The following MYT1L variants were observed in gnomAD, a reference collection of about 807,000 sequenced individuals.
The protein encoded by MYT1L is myelin transcription factor 1-like protein.
MYT1L carries 12 observed loss-of-function variants against 126.7 expected under a neutral mutation model. That is an observed-to-expected ratio of 0.09 (90% confidence interval 0.06 to 0.15). The LOEUF (loss-of-function observed/expected upper bound fraction) is 0.15. Ranked by LOEUF, MYT1L falls within the 10% of genes least tolerant of loss-of-function variation. The pLI is 1.00. For missense variants in MYT1L, 979 were observed against 1,585.2 expected (o/e 0.62, Z 6.49); for synonymous variants, 541 against 604.2 (o/e 0.90, Z 1.53).
rs1558482355 is a variant in MYT1L at position 1,943,025 on chromosome 2, C to T, written c.462G>A (p.Glu154=). Reference sequence around the variant, plus strand: ...CCTCCTCCTCCTCCTCCTCCTCTTCCTCTTCTTCATCCTCCACATCTTCTC... The same window carrying T: ...CCTCCTCCTCCTCCTCCTCCTCTTCTTCTTCTTCATCCTCCACATCTTCTC... ...EDGEDVEDEE[E]EEEEEEEEEE... is the part of the protein sequence containing the mutation. Residue 154 remains glutamate, a synonymous_variant, in exon 9 of 25, where the codon GAG becomes GAA. Coordinates refer to ENST00000647738, the MANE Select transcript of MYT1L (RefSeq NM_001303052.2). The surrounding 1 kb of genome is among the most constrained non-coding windows in gnomAD (Gnocchi z 4.4). 6.7e-7 allele frequency: 1 copy of T among 1,503,602 alleles called. No individual in the cohort carries two copies. The highest frequency in any genetic ancestry group is 9.1e-7 in the Non-Finnish European group (1 of 1,104,472). The allele number at this position is 1,503,602 out of a possible 1,614,324, so 93.1% of individuals were successfully genotyped here. A position where few individuals can be genotyped will look rare whatever the true frequency, so the allele number is the denominator to read the frequency against.
At chr2:2,298,477 T>C (rs2095732356) in intron 1 of MYT1L, among the ~76,000 whole-genome samples, 1 of 152,218 alleles carries the variant, frequency 6.6e-6, no homozygotes. Context: ...CCAGATGCCA[T>C]GAAGAAGCAG....
At chr2:1,866,743 CAGAG>C (rs1295806837) in intron 18 of MYT1L, among the ~76,000 whole-genome samples, 1 of 41,852 alleles carries the variant, frequency 2.4e-5, no homozygotes. Context: ...GAGAGAGAGG[CAGAG>C]AGAGAGGGAG....
rs1033211532 is a variant in MYT1L, at chr2:2,251,148, A to G, written c.-421+33256T>C. Among the ~76,000 whole-genome samples the G allele has an allele frequency of 2.6e-5, 4 of 152,288 alleles. No homozygotes were observed. In the South Asian group the frequency reaches 6.2e-4, roughly 24 times the overall value. On this transcript the variant is annotated intron_variant, in intron 2 of 24. Coordinates refer to ENST00000647738, the MANE Select transcript of MYT1L (RefSeq NM_001303052.2). ...GAATTAGATCATTCTGTCCTTCAGG[A>G]TACATTTTTAAGGCACATATCCTCA...
At chr2:1,836,774 C>T (rs565165929) in intron 21 of MYT1L, among the ~76,000 whole-genome samples, 105 of 152,004 alleles carry the variant, frequency 6.9e-4, no homozygotes, top group African/African-American at 2.4e-3. Flanking sequence ...AAGATTCCAT[C>T]AGCCTGCACC....
chr2:2,156,602 G>C (rs551671031), intron 3 of MYT1L, among the ~76,000 whole-genome samples: 18 of 152,242 alleles, frequency 1.2e-4, no homozygotes, highest in Admixed American at 1.2e-3. Context: ...TGCCATTAAA[G>C]TGTTTTTGCC....
rs1553510164 is a variant in MYT1L, at chr2:2,143,962, A to AC, written c.-304+28909_-304+28910insG. Reference sequence around the variant, plus strand: ...AGCAATAGACGCTGGGGACTATTAGAGGGGGAGGGAGGGAGGGGCGCAAGG... The same window carrying AC: ...AGCAATAGACGCTGGGGACTATTAGACGGGGGAGGGAGGGAGGGGCGCAAGG... On this transcript the variant is annotated intron_variant, in intron 3 of 24. Transcript: ENST00000647738. Among the ~76,000 whole-genome samples, 8 of 81,944 alleles carry AC rather than the reference A, an allele frequency of 9.8e-5. 1 individual carries two copies. Among genetic ancestry groups the AC allele is most frequent in the African/African-American group, 3.2e-4 (7 of 21,548 alleles). 53.8% of individuals were successfully genotyped at this position (81,944 alleles called of 152,430 possible). A position where few individuals can be genotyped will look rare whatever the true frequency, so the allele number is the denominator to read the frequency against.
intron 2 of MYT1L, among the ~76,000 whole-genome samples, chr2:2,262,234 A>G (rs546035991): frequency 5.3e-5 from 8 of 152,170 alleles, no homozygotes; most frequent in Non-Finnish European, 8.8e-5. Flanking sequence ...TGTTTTATCT[A>G]TTTCTTAAGT....
At chr2:2,154,037 G>C (rs967188982) in intron 3 of MYT1L, among the ~76,000 whole-genome samples, 3 of 152,150 alleles carry the variant, frequency 2.0e-5, no homozygotes, top group African/African-American at 7.2e-5. Context: ...GCTGCCCGAG[G>C]GGCTGGCTCT....
At chr2:2,079,839 A>G (rs1220163884) in intron 3 of MYT1L, among the ~76,000 whole-genome samples, 1 of 152,112 alleles carries the variant, frequency 6.6e-6, no homozygotes. Context: ...AAAGAAAATA[A>G]ATCTTGAATA....
At chr2:1,956,357 ATCTATCATCTAT>A (rs2058386114) in intron 8 of MYT1L, among the ~76,000 whole-genome samples, 2 of 148,752 alleles carry the variant, frequency 1.3e-5, no homozygotes, top group African/African-American at 5.1e-5. Flanking sequence ...CTATCTATCT[ATCTATCATCTAT>A]CCTATTCTAT....
At chr2:2,038,636 C>T (rs2067157805) in intron 4 of MYT1L, among the ~76,000 whole-genome samples, 1 of 152,126 alleles carries the variant, frequency 6.6e-6, no homozygotes, top group Non-Finnish European at 1.5e-5. Context: ...AGTCATCAGT[C>T]AGAAGTAATG....
chr2:2,127,935 CT>C (rs1346004383), intron 3 of MYT1L, among the ~76,000 whole-genome samples: 1 of 152,184 alleles, frequency 6.6e-6, no homozygotes, highest in Non-Finnish European at 1.5e-5. Context: ...CTGATCCTAT[CT>C]TAGTCTCTCT....
At chr2:2,303,625 A>G (rs565624450) in intron 1 of MYT1L, 2 of 152,378 alleles carry the variant, frequency 1.3e-5, no homozygotes, top group Admixed American at 1.3e-4. Context: ...AGTTCTCAGC[A>G]GGCCCCACTG....
At position 1,922,624 on chromosome 2, in the gene MYT1L, A is replaced by G; in HGVS notation, c.1145T>C (p.Leu382Pro). 1 of 1,613,922 alleles carries G rather than the reference A, an allele frequency of 6.2e-7. No homozygotes were observed. The highest frequency in any genetic ancestry group is 8.5e-7 in the Non-Finnish European group (1 of 1,179,860). The change falls in exon 10 of 25, where the codon CTC becomes CCC. Residue 382 changes from leucine (L) to proline (P), a missense_variant. By Grantham distance (98) the Leu-to-Pro change is moderately conservative. This residue lies in a region of MYT1L where 243 missense variants were observed against 363.9 expected (regional missense o/e 0.67). Transcript: ENST00000647738. The surrounding 1 kb of genome is among the most constrained non-coding windows in gnomAD (Gnocchi z 7.4). ...GCTCAACTGCTCCTCCAGCCGCATG[A>G]GGTTCAGCATGTCCGAGTAGTTTCT... ...PDRNYSDMLN[L>P]MRLEEQLSPR...
intron 8 of MYT1L, among the ~76,000 whole-genome samples, chr2:1,976,089 A>G (rs931490104): frequency 6.7e-6 from 1 of 148,402 alleles, no homozygotes; most frequent in Non-Finnish European, 1.5e-5. Flanking sequence ...ACATAAACAC[A>G]TTCATTGGAA....
At chr2:2,138,189 A>G (rs1191806414) in intron 3 of MYT1L, among the ~76,000 whole-genome samples, 1 of 151,972 alleles carries the variant, frequency 6.6e-6, no homozygotes, top group Non-Finnish European at 1.5e-5. Flanking sequence ...AAAAGTCAGG[A>G]AACAACAGGT....
chr2:1,981,516 A>G (rs2060607555), intron 5 of MYT1L, among the ~76,000 whole-genome samples: 1 of 152,220 alleles, frequency 6.6e-6, no homozygotes, highest in African/African-American at 2.4e-5. Flanking sequence ...GAATGAGTCC[A>G]TTTGCTGGGA....
At chr2:1,810,505 C>T (rs1035790795) in intron 21 of MYT1L, among the ~76,000 whole-genome samples, 2 of 152,086 alleles carry the variant, frequency 1.3e-5, no homozygotes, top group African/African-American at 4.8e-5. Flanking sequence ...TTGTATTTCA[C>T]CTGTATATGA....
At chr2:2,288,666 T>C (rs539519442) in intron 1 of MYT1L, among the ~76,000 whole-genome samples, 3 of 152,358 alleles carry the variant, frequency 2.0e-5, no homozygotes, top group African/African-American at 7.2e-5. Context: ...ATGTTTAACA[T>C]TTACTGGAAA....
Sources: gnomAD v4.1 joint callset for allele counts (sites outside exome capture counted in the v4.1 genomes callset) on GRCh38, gnomAD v4.1.1 for gene constraint, gnomAD v4.1.1 regional missense constraint, Gnocchi (gnomAD v3.1) non-coding constraint, MANE v1.5 for transcripts, NCBI Gene and HGNC (gene_info 2026-07-23, HGNC 2026-07-21) for gene names.